CARS2: variants seen among roughly 807,000 people sequenced by gnomAD.
CARS2 encodes the protein cysteinyl-tRNA synthetase 2, mitochondrial, also known as probable cysteine--tRNA ligase, mitochondrial.
Under a neutral mutation model 68.8 loss-of-function variants are expected in CARS2, and 52 were observed. The ratio of observed to expected loss-of-function variants is 0.76; its 90% CI spans 0.61 to 0.95. The LOEUF (loss-of-function observed/expected upper bound fraction) is 0.95. CARS2 is among the 40% of genes least tolerant of loss of function. The pLI, the probability that CARS2 is intolerant of heterozygous loss-of-function variation, is 0.00. For synonymous variants in CARS2, 314 were observed against 303.6 expected (o/e 1.03, Z -0.36); for missense variants, 780 against 754.2 (o/e 1.03, Z -0.40).
Position 110,705,901 on chromosome 13 carries a change from G to C in CARS2, c.193C>G (p.Leu65Val), listed in dbSNP as rs1174662150. Residue 65 changes from leucine to valine, a missense_variant, in exon 1 of 15, where the codon CTA (leucine) becomes GTA (valine). Leu to Val is a conservative substitution (Grantham distance 32). Transcript: ENST00000257347. The surrounding 1 kb of genome is among the most constrained non-coding windows in gnomAD (Gnocchi z 4.0). ...YNSLTGRKEP[L>V]IVAHAEAASW... ...GCGGCTTCGGCGTGCGCCACGATTA[G>C]GGGTTCCTTCCTCCCGGTGAGGCTG... is the stretch of plus-strand genomic sequence containing the variant. 1.3e-6 allele frequency: 2 copies of C among 1,575,204 alleles called. No homozygotes were observed. The highest frequency in any genetic ancestry group is 2.3e-5 in the East Asian group (1 of 42,684).
chr13:110,663,483 A>C lies in CARS2; in HGVS notation c.955T>G (p.Ser319Ala). 2 of 1,614,110 alleles carry C rather than the reference A, an allele frequency of 1.2e-6. No homozygotes were observed. Among genetic ancestry groups the C allele is most frequent in the Non-Finnish European group, 1.7e-6 (2 of 1,179,984 alleles). ...LHAKGKEEKM[S>A]KSLKNYITIK... The stretch of plus-strand genomic sequence containing the variant: ...GTAATGTAGTTCTTTAATGATTTGG[A>C]CATTTTTTCTTCTTTGCCTTTGGCG... Residue 319 changes from serine (S) to alanine (A), a missense_variant, in exon 9 of 15, where the codon TCC (serine) becomes GCC (alanine). Physicochemically the swap from Ser to Ala is moderately conservative, Grantham distance 99 (BLOSUM62 1). Coordinates refer to ENST00000257347, the MANE Select transcript of CARS2 (RefSeq NM_024537.4).
In CARS2 at chr13:110,676,933, G is replaced by A. The variant is rs768212543; in HGVS notation, c.785+41C>T. On this transcript the variant is annotated intron_variant, in intron 7 of 14. Transcript: ENST00000257347. The surrounding 1 kb of genome is among the most constrained non-coding windows in gnomAD (Gnocchi z 4.0). The stretch of plus-strand genomic sequence containing the variant: ...CTGCTGCCCTGAGCAGGCACCAGGG[G>A]AACTTGAGCCCCAACCCCCAGGAAG... 10 of 1,492,998 alleles carry A rather than the reference G, an allele frequency of 6.7e-6. No individual in the cohort carries two copies. In the South Asian group the frequency reaches 9.3e-5, roughly 14 times the overall value. 92.5% of individuals were successfully genotyped at this position (1,492,998 alleles called of 1,614,324 possible). A position where few individuals can be genotyped will look rare whatever the true frequency, so the allele number is the denominator to read the frequency against.
chr13:110,642,605 C>A (rs774040091), intron 13 of CARS2, 84 bp from the exon 14 acceptor site: 13 of 1,295,270 alleles, frequency 1.0e-5, no homozygotes, highest in Admixed American at 1.7e-5. Flanking sequence ...GGGCTCTGGG[C>A]CGACACCCAC....
chr13:110,645,967 C>T lies in CARS2; in HGVS notation c.1317G>A (p.Lys439=). The part of the protein sequence containing the change: ...HGNGQLRASL[K]EPEGPRSPAV... ...CAAGGCCACCTGTTCGTTGAGCTAC[C>T]TTCAGGGACGCCCTGAGCTGTCCAT... The change falls in exon 12 of 15, where the codon AAG becomes AAA. Residue 439 remains lysine (K), a splice_region_variant and synonymous_variant. Coordinates refer to ENST00000257347, the MANE Select transcript of CARS2 (RefSeq NM_024537.4). 6.2e-7 allele frequency: 1 copy of T among 1,612,184 alleles called. No homozygotes were observed. Among genetic ancestry groups the T allele is most frequent in the Non-Finnish European group, 8.5e-7 (1 of 1,179,172 alleles).
intron 1 of CARS2, chr13:110,712,461 C>T: frequency 1.0e-5 from 2 of 197,522 alleles, no homozygotes; most frequent in South Asian, 1.3e-4. Flanking sequence ...GCCCCGGAAC[C>T]AGAGAGCCAG....
At chr13:110,711,169 G>A (rs140524096), upstream of CARS2, among the ~76,000 whole-genome samples, 5 of 152,276 alleles carry the variant, frequency 3.3e-5, no homozygotes, top group Admixed American at 6.5e-5. Context: ...TCTATACTCT[G>A]TATTCGACAT....
chr13:110,641,706 A>G lies in CARS2; in HGVS notation c.1624-98T>C. ...TCAGGTTCAGGGTGCCTGTTCCCTC[A>G]CCGGCCTGTCCTAAAAAGCTTGCCA... is the stretch of plus-strand genomic sequence containing the variant. On this transcript the variant is annotated intron_variant, in intron 14 of 14. Coordinates refer to ENST00000257347, the MANE Select transcript of CARS2 (RefSeq NM_024537.4). 5 of 970,592 alleles carry G rather than the reference A, an allele frequency of 5.2e-6. No individual in the cohort carries two copies. The Admixed American group carries it at 8.5e-5, about 17-fold the overall frequency. 60.1% of individuals were successfully genotyped at this position (970,592 alleles called of 1,614,324 possible). A position where few individuals can be genotyped will look rare whatever the true frequency, so the allele number is the denominator to read the frequency against.
In CARS2 at chr13:110,665,121, A is replaced by C; in HGVS notation, c.920-1603T>G. On this transcript the variant is annotated intron_variant, in intron 8 of 14. Coordinates refer to ENST00000257347, the MANE Select transcript of CARS2 (RefSeq NM_024537.4). The surrounding 1 kb of genome is among the most constrained non-coding windows in gnomAD (Gnocchi z 4.3). The stretch of plus-strand genomic sequence containing the variant: ...GTATGAAAAAGATCGCTGGTATCTT[A>C]ACAGGTAGTAAAAAATCACTGAAAA... 4 of 985,402 alleles carry C rather than the reference A, an allele frequency of 4.1e-6. No individual in the cohort carries two copies. The highest frequency in any genetic ancestry group is 4.8e-6 in the Non-Finnish European group (4 of 829,914). The allele number at this position is 985,402 out of a possible 1,614,324, so 61.0% of individuals were successfully genotyped here. A position where few individuals can be genotyped will look rare whatever the true frequency, so the allele number is the denominator to read the frequency against.
intron 1 of CARS2, chr13:110,712,826 G>A (rs2064047972): frequency 5.5e-6 from 5 of 903,132 alleles, no homozygotes; most frequent in Non-Finnish European, 8.8e-6. Flanking sequence ...CTGGGGCTCG[G>A]CACTAGGAAG....
chr13:110,657,318 G>A (rs2062396722), intron 9 of CARS2, among the ~76,000 whole-genome samples: 1 of 152,184 alleles, frequency 6.6e-6, no homozygotes, highest in Non-Finnish European at 1.5e-5. Flanking sequence ...TGTCACTCTG[G>A]TAGCAATCAA....
intron 11 of CARS2, 176 bp from the exon 12 acceptor site, chr13:110,646,266 G>A: frequency 1.6e-6 from 1 of 631,862 alleles, no homozygotes; most frequent in Non-Finnish European, 2.6e-6. Context: ...AACATCAACT[G>A]CAAACTGTCA....
chr13:110,659,989 G>A (rs1324721051), intron 9 of CARS2, among the ~76,000 whole-genome samples: 2 of 152,204 alleles, frequency 1.3e-5, no homozygotes, highest in African/African-American at 4.8e-5. Context: ...CAAAATTGGA[G>A]CCAATCCTCT....
chr13:110,701,692 C>A (rs755477297), intron 2 of CARS2, 137 bp from the exon 3 acceptor site: 9 of 581,110 alleles, frequency 1.5e-5, no homozygotes, highest in Non-Finnish European at 2.8e-5. Context: ...GGAGCAGGTA[C>A]AAGGAAACTC....
intron 9 of CARS2, 141 bp downstream of exon 9, chr13:110,663,310 G>A: frequency 1.3e-6 from 1 of 779,902 alleles, no homozygotes; most frequent in Non-Finnish European, 2.0e-6. Flanking sequence ...GTGGGAGGGA[G>A]GTGAGGCAGG....
rs113033050 is a variant in CARS2 at position 110,645,996 on chromosome 13, C to T, written c.1288G>A (p.Gly430Arg). The T allele has an allele frequency of 8.1e-6, 13 of 1,613,884 alleles. No individual in the cohort carries two copies. Among genetic ancestry groups the T allele is most frequent in the Middle Eastern group, 1.7e-4 (1 of 6,052 alleles). ...VDAILGLAHH[G>R]NGQLRASLKE... ...AGGGACGCCCTGAGCTGTCCATTCCCGTGGTGTGCAAGGCCCAGGATGGCA... is the reference window on the plus strand; with the variant it reads ...AGGGACGCCCTGAGCTGTCCATTCCTGTGGTGTGCAAGGCCCAGGATGGCA... Residue 430 changes from glycine to arginine, a missense_variant, in exon 12 of 15, where the codon GGG becomes AGG. Physicochemically the swap from Gly to Arg is moderately radical, Grantham distance 125. Coordinates refer to ENST00000257347, the MANE Select transcript of CARS2 (RefSeq NM_024537.4).
intron 5 of CARS2, among the ~76,000 whole-genome samples, chr13:110,687,044 A>C (rs1038645522): frequency 2.6e-5 from 4 of 152,178 alleles, no homozygotes. Flanking sequence ...TTTAATAAGA[A>C]GAGAGCAGGT....
upstream of CARS2, among the ~76,000 whole-genome samples, chr13:110,710,141 G>A (rs1158887985): frequency 1.3e-5 from 2 of 152,184 alleles, no homozygotes; most frequent in African/African-American, 4.8e-5. Flanking sequence ...AGCACTTTGG[G>A]AGGCCAAGAC....
At chr13:110,692,294 AC>A (rs1467986940) in intron 3 of CARS2, among the ~76,000 whole-genome samples, 1 of 151,214 alleles carries the variant, frequency 6.6e-6, no homozygotes, top group Non-Finnish European at 1.5e-5. Context: ...ACATGGAGAA[AC>A]CCCGTCTCTA....
intron 1 of CARS2, chr13:110,712,504 C>T (rs2064040184): frequency 7.2e-6 from 2 of 277,026 alleles, no homozygotes; most frequent in Non-Finnish European, 1.4e-5. Flanking sequence ...AGGCCACGCC[C>T]AGGAGGGGCG....
Sources: gnomAD v4.1 joint callset for allele counts (sites outside exome capture counted in the v4.1 genomes callset) on GRCh38, gnomAD v4.1.1 for gene constraint, Gnocchi (gnomAD v3.1) non-coding constraint, MANE v1.5 for transcripts, NCBI Gene and HGNC (gene_info 2026-07-23, HGNC 2026-07-21) for gene names.